Variants in DLG2 observed in about 807,000 individuals in gnomAD.
DLG2 encodes discs large MAGUK scaffold protein 2, also known as disks large homolog 2.
In DLG2, 45 loss-of-function variants were observed where a neutral mutation model predicts 132.5. That is an observed-to-expected ratio of 0.34 (90% CI 0.27 to 0.44). The LOEUF is 0.44. DLG2 is among the 20% of genes least tolerant of loss of function. The pLI is 1.00. For missense variants in DLG2, 1,045 were observed against 1,196.9 expected (o/e 0.87, Z 1.87); for synonymous variants, 424 against 419.6 (o/e 1.01, Z -0.13).
intron 16 of DLG2, among the ~76,000 whole-genome samples, chr11:83,862,080 C>T (rs113730081): frequency 0.13 from 19,045 of 152,014 alleles, 1,769 homozygotes; most frequent in Non-Finnish European, 0.18. Flanking sequence ...TTCAGCAATC[C>T]CACTACTAGG....
At chr11:84,985,676 A>T (rs964295367) in intron 6 of DLG2, among the ~76,000 whole-genome samples, 1 of 152,108 alleles carries the variant, frequency 6.6e-6, no homozygotes, top group Admixed American at 6.6e-5. Context: ...CAAAAGATAA[A>T]TGAAACAAAA....
intron 6 of DLG2, among the ~76,000 whole-genome samples, chr11:84,727,298 C>A (rs1366136329): frequency 2.0e-5 from 3 of 152,140 alleles, no homozygotes; most frequent in Non-Finnish European, 2.9e-5. Flanking sequence ...GGTCCAGTGT[C>A]AGTTTTCTGC....
chr11:83,964,455 G>A (rs1467819852), intron 13 of DLG2, among the ~76,000 whole-genome samples: 2 of 151,986 alleles, frequency 1.3e-5, no homozygotes, highest in Admixed American at 6.6e-5. Context: ...GTAAGTCTGA[G>A]AGAACTTGAA....
intron 6 of DLG2, among the ~76,000 whole-genome samples, chr11:84,787,181 G>A (rs2073048519): frequency 6.6e-6 from 1 of 152,100 alleles, no homozygotes; most frequent in South Asian, 2.1e-4. Context: ...TTTCTAGATT[G>A]ACTCTTGGCA....
intron 19 of DLG2, among the ~76,000 whole-genome samples, chr11:83,619,997 T>C (rs1230833216): frequency 6.6e-6 from 1 of 152,210 alleles, no homozygotes; most frequent in Non-Finnish European, 1.5e-5. Flanking sequence ...TTAGAGGGCA[T>C]TAGAAGCTAT....
chr11:84,605,369 G>A (rs548342339), intron 6 of DLG2, among the ~76,000 whole-genome samples: 6 of 151,910 alleles, frequency 3.9e-5, no homozygotes, highest in Middle Eastern at 3.4e-3. Context: ...TCTATACCAA[G>A]TTATAGTCTC....
chr11:85,379,023 C>A (rs2085656832), intron 3 of DLG2, among the ~76,000 whole-genome samples: 2 of 152,066 alleles, frequency 1.3e-5, no homozygotes, highest in Non-Finnish European at 2.9e-5. Context: ...CAAAACAAAG[C>A]AAATAATACA....
chr11:83,591,420 G>A (rs1248090754), intron 19 of DLG2, among the ~76,000 whole-genome samples: 5 of 91,538 alleles, frequency 5.5e-5, no homozygotes, highest in Admixed American at 5.4e-4. Context: ...ATGCAGAAAA[G>A]GCCTTTGACA....
chr11:83,819,228 G>C (rs1330116967), intron 17 of DLG2, among the ~76,000 whole-genome samples: 2 of 152,002 alleles, frequency 1.3e-5, no homozygotes, highest in Non-Finnish European at 2.9e-5. Flanking sequence ...CCAGCACTTT[G>C]GGAGGCTGAG....
intron 6 of DLG2, among the ~76,000 whole-genome samples, chr11:84,766,779 T>C (rs1036147655): frequency 1.3e-5 from 2 of 152,084 alleles, no homozygotes; most frequent in African/African-American, 4.8e-5. Flanking sequence ...GCCCATGCTT[T>C]AAGATGTTTA....
At chr11:85,486,239 C>G (rs182948301) in intron 3 of DLG2, among the ~76,000 whole-genome samples, 1 of 152,212 alleles carries the variant, frequency 6.6e-6, no homozygotes, top group East Asian at 1.9e-4. Context: ...AAAGTTCCCA[C>G]TGCCCTGTGT....
At chr11:83,828,207 G>T (rs1195691997) in intron 17 of DLG2, among the ~76,000 whole-genome samples, 5 of 152,250 alleles carry the variant, frequency 3.3e-5, no homozygotes, top group African/African-American at 1.2e-4. Flanking sequence ...GTATAGGCAA[G>T]AATGTAGGAA....
chr11:84,954,458 T>A (rs1184813842), intron 6 of DLG2, among the ~76,000 whole-genome samples: 3 of 152,178 alleles, frequency 2.0e-5, no homozygotes, highest in Admixed American at 6.5e-5. Flanking sequence ...CACGTTCCTT[T>A]TATTCATTCA....
At chr11:85,613,234 C>T (rs375059388) in intron 2 of DLG2, among the ~76,000 whole-genome samples, 6 of 152,238 alleles carry the variant, frequency 3.9e-5, no homozygotes, top group African/African-American at 1.4e-4. Context: ...AGAATCGAGG[C>T]CATCAAGCTA....
rs548363306 is a variant in DLG2, at chr11:84,472,103, G to A, written c.519+62467C>T. On this transcript the variant is annotated intron_variant, in intron 7 of 27. Transcript: ENST00000376104. ...AGCCATGTGAAAAGGTCCCAGTTTC[G>A]TCAGAAATATTTAGAATAAGCTATC... Among the ~76,000 whole-genome samples the A allele has an allele frequency of 7.9e-4, 120 of 151,932 alleles. 1 individual carries two copies. The highest frequency in any genetic ancestry group is 1.1e-3 in the Admixed American group (16 of 15,216).
chr11:84,212,153 A>C (rs2096764818), intron 8 of DLG2, among the ~76,000 whole-genome samples: 1 of 152,174 alleles, frequency 6.6e-6, no homozygotes, highest in Non-Finnish European at 1.5e-5. Context: ...TTAAGAGATA[A>C]TTTTTATCAT....
chr11:84,465,904 T>C (rs781509921), intron 7 of DLG2, among the ~76,000 whole-genome samples: 9 of 151,298 alleles, frequency 5.9e-5, no homozygotes, highest in Non-Finnish European at 7.4e-5. Flanking sequence ...GCAAACCATT[T>C]ATCTCATAAA....
chr11:83,729,646 T>C lies in DLG2; in HGVS notation c.1825+57044A>G, dbSNP rs551451987. 2.0e-5 allele frequency among the ~76,000 whole-genome samples: 3 copies of C among 152,238 alleles called. No homozygotes were observed. The East Asian group carries it at 5.8e-4, about 29-fold the overall frequency. ...CTGTGAGCTGAAAAATACAGGATCA[T>C]AGTTCGCAGGGCTGCAGATAAAATT... On this transcript the variant is annotated intron_variant, in intron 18 of 27. Coordinates refer to ENST00000376104, the MANE Select transcript of DLG2 (RefSeq NM_001142699.3).
chr11:83,559,539 T>A (rs1218858809), intron 19 of DLG2, among the ~76,000 whole-genome samples: 1 of 152,186 alleles, frequency 6.6e-6, no homozygotes, highest in Non-Finnish European at 1.5e-5. Context: ...AGATTTAAGT[T>A]ATTGGTCCAC....
Sources: allele counts gnomAD v4.1 joint callset (sites outside exome capture counted in the v4.1 genomes callset), GRCh38; gene constraint gnomAD v4.1.1; transcripts MANE v1.5; gene names NCBI Gene and HGNC (gene_info 2026-07-23, HGNC 2026-07-21).